Variants in FREM1 observed in about 807,000 individuals in gnomAD.
FREM1 encodes FRAS1-related extracellular matrix protein 1.
A neutral mutation model predicts 210.1 loss-of-function variants in FREM1; 220 were observed. That is an observed-to-expected ratio of 1.05 (90% CI 0.94 to 1.17). The LOEUF is 1.17. FREM1 is among the 50% of genes most tolerant of loss of function. The probability of loss-of-function intolerance (pLI) is 0.00; values close to 1 mark genes in which losing one functional copy is unlikely to be tolerated. For synonymous variants in FREM1, 1,189 were observed against 980.2 expected (o/e 1.21, Z -3.98); for missense variants, 3,454 against 2,675.5 (o/e 1.29, Z -6.42).
chr9:14,866,287 T>C lies in FREM1; in HGVS notation c.235-2384A>G, dbSNP rs79839713. On this transcript the variant is annotated intron_variant, in intron 2 of 36. Transcript: ENST00000380880. ...AATCCTTGATTCTTGTGAACAAATG[T>C]TTTTTACCTAGTTCTAGTCACTTGG... is the stretch of plus-strand genomic sequence containing the variant. Among the ~76,000 whole-genome samples the C allele has an allele frequency of 2.4e-4, 37 of 152,308 alleles. No homozygotes were observed. The East Asian group carries it at 6.8e-3, about 28-fold the overall frequency.
intron 1 of FREM1, among the ~76,000 whole-genome samples, chr9:14,897,818 T>C (rs1443536243): frequency 6.6e-6 from 1 of 152,148 alleles, no homozygotes; most frequent in Non-Finnish European, 1.5e-5. Flanking sequence ...GGTCTCGAAC[T>C]CCTGTCCTTA....
At chr9:14,827,630 A>G (rs1822720149) in intron 10 of FREM1, among the ~76,000 whole-genome samples, 1 of 152,244 alleles carries the variant, frequency 6.6e-6, no homozygotes, top group Non-Finnish European at 1.5e-5. Context: ...CCTATATGAT[A>G]GAGAGATTAG....
chr9:14,809,726 T>C (rs1038543279), intron 16 of FREM1, among the ~76,000 whole-genome samples: 6 of 152,174 alleles, frequency 3.9e-5, no homozygotes, highest in South Asian at 2.1e-4. Context: ...ATAATTAGTG[T>C]TTCCAGCACA....
chr9:14,891,386 G>GGGC (rs1836793949), intron 1 of FREM1, among the ~76,000 whole-genome samples: 1 of 152,238 alleles, frequency 6.6e-6, no homozygotes, highest in African/African-American at 2.4e-5. Flanking sequence ...TGCCCTTAGA[G>GGGC]AGTGTACAGT....
chr9:14,769,032 G>C (rs1847026483), intron 27 of FREM1, among the ~76,000 whole-genome samples: 1 of 152,118 alleles, frequency 6.6e-6, no homozygotes, highest in Non-Finnish European at 1.5e-5. Flanking sequence ...ATGACTATCT[G>C]TTAGCTGGTA....
intron 2 of FREM1, among the ~76,000 whole-genome samples, chr9:14,867,119 C>T (rs760483779): frequency 6.6e-6 from 1 of 152,154 alleles, no homozygotes; most frequent in Non-Finnish European, 1.5e-5. Flanking sequence ...CTCAGCCACC[C>T]AAAGTACTGG....
intron 1 of FREM1, among the ~76,000 whole-genome samples, chr9:14,870,989 A>C (rs974646581): frequency 5.9e-5 from 9 of 151,996 alleles, no homozygotes; most frequent in South Asian, 2.1e-4. Context: ...TGAACTCATC[A>C]TTTTTTATGG....
At chr9:14,798,367 T>G (rs34943502) in intron 20 of FREM1, among the ~76,000 whole-genome samples, 18,172 of 152,112 alleles carry the variant, frequency 0.12, 1,448 homozygotes, top group Middle Eastern at 0.26. Context: ...CCTAACAACT[T>G]TTCGGGGCTC....
At chr9:14,752,489 T>C (rs1587709738) in intron 29 of FREM1, among the ~76,000 whole-genome samples, 1 of 152,114 alleles carries the variant, frequency 6.6e-6, no homozygotes, top group East Asian at 1.9e-4. Context: ...GATTCAGACT[T>C]TACAACATAG....
chr9:14,851,979 A>C (rs555185058), intron 5 of FREM1, among the ~76,000 whole-genome samples: 1 of 152,326 alleles, frequency 6.6e-6, no homozygotes, highest in Admixed American at 6.5e-5. Context: ...TTAACTCTTC[A>C]GTCTCATTTT....
chr9:14,805,075 C>A lies in FREM1; in HGVS notation c.3352G>T (p.Ala1118Ser). Residue 1118 changes from alanine (A) to serine (S), a missense_variant, in exon 19 of 37, where the codon GCC becomes TCC. Coordinates refer to ENST00000380880, the MANE Select transcript of FREM1 (RefSeq NM_001379081.2). Reference protein sequence around the residue: ...QSRHLRIEPTADQFTVYVTDG... With the variant: ...QSRHLRIEPTSDQFTVYVTDG... ...GTGACGTACACCGTGAACTGGTCGG[C>A]AGTTGGTTCTATCCTCAGATGCCTG... is the stretch of plus-strand genomic sequence containing the variant. The A allele has an allele frequency of 1.2e-6, 2 of 1,613,132 alleles. No individual in the cohort carries two copies. Among genetic ancestry groups the A allele is most frequent in the Non-Finnish European group, 1.7e-6 (2 of 1,179,230 alleles).
chr9:14,798,846 G>C (rs1262019015), intron 20 of FREM1, among the ~76,000 whole-genome samples: 1 of 151,970 alleles, frequency 6.6e-6, no homozygotes, highest in African/African-American at 2.4e-5. Context: ...GCTAATTTTT[G>C]TATTTTTAAT....
chr9:14,854,582 G>A (rs1333047494), intron 5 of FREM1, among the ~76,000 whole-genome samples: 3 of 151,806 alleles, frequency 2.0e-5, no homozygotes, highest in Non-Finnish European at 2.9e-5. Flanking sequence ...CAAACCAGTG[G>A]GGAATAGAGC....
At chr9:14,771,120 C>T (rs1450915756) in intron 25 of FREM1, among the ~76,000 whole-genome samples, 1 of 152,116 alleles carries the variant, frequency 6.6e-6, no homozygotes, top group African/African-American at 2.4e-5. Flanking sequence ...ATTCCCTGCA[C>T]TTGGCACAGT....
Position 14,842,458 on chromosome 9 carries a change from C to A in FREM1, c.1596G>T (p.Leu532=), listed in dbSNP as rs1252135806. 6.2e-7 allele frequency: 1 copy of A among 1,614,004 alleles called. No homozygotes were observed. The highest frequency in any genetic ancestry group is 1.7e-5 in the Admixed American group (1 of 60,030). ...PFLITNVVIE[L]EEGQTILIQG... is the part of the protein sequence containing the mutation. ...GGATCAGGATGGTCTGCCCCTCCTC[C>A]AGTTCAATCACAACATTGGTTATGA... The change falls in exon 9 of 37, where the codon CTG becomes CTT. Residue 532 remains leucine, a synonymous_variant. Transcript: ENST00000380880.
At chr9:14,892,453 G>C (rs556478777) in intron 1 of FREM1, among the ~76,000 whole-genome samples, 1 of 152,110 alleles carries the variant, frequency 6.6e-6, no homozygotes, top group Admixed American at 6.5e-5. Context: ...ACGCTTGACC[G>C]AACTTGGGTT....
At chr9:14,844,319 G>A (rs138707145) in intron 8 of FREM1, among the ~76,000 whole-genome samples, 1,703 of 151,418 alleles carry the variant, frequency 0.011, 34 homozygotes, top group African/African-American at 0.039. Context: ...TCCACCTCCC[G>A]GGTTCAAACG....
chr9:14,746,264 G>T, intron 35 of FREM1, 89 bp downstream of exon 35: 1 of 950,006 alleles, frequency 1.1e-6, no homozygotes, highest in Middle Eastern at 2.4e-4. Flanking sequence ...AATACTTGTT[G>T]AATGAATGAA....
At chr9:14,777,741 G>A (rs1848865627) in intron 24 of FREM1, among the ~76,000 whole-genome samples, 1 of 152,208 alleles carries the variant, frequency 6.6e-6, no homozygotes, top group South Asian at 2.1e-4. Context: ...TGTGAAATGT[G>A]TCTTGTCCTT....
Sources: gnomAD v4.1 joint callset for allele counts (sites outside exome capture counted in the v4.1 genomes callset) on GRCh38, gnomAD v4.1.1 for gene constraint, MANE v1.5 for transcripts, NCBI Gene and HGNC (gene_info 2026-07-23, HGNC 2026-07-21) for gene names.